The following INPP4B variants were observed in gnomAD, a reference collection of about 807,000 sequenced individuals.
INPP4B encodes inositol polyphosphate 4-phosphatase type II.
In INPP4B, 55 loss-of-function variants were observed where a neutral mutation model predicts 122.5. The ratio of observed to expected loss-of-function variants is 0.45; its 90% CI spans 0.36 to 0.56. The LOEUF is 0.56. Among genes scored for constraint, INPP4B ranks in the 20% least tolerant of loss-of-function variants. INPP4B has a pLI of 0.00. For missense variants in INPP4B, 1,000 were observed against 1,097.7 expected (o/e 0.91, Z 1.26); for synonymous variants, 403 against 388.7 (o/e 1.04, Z -0.43).
rs541696229 is a variant in INPP4B at position 142,627,417 on chromosome 4, G to A, written c.-191+98422C>T. On this transcript the variant is annotated intron_variant, in intron 2 of 25. Coordinates refer to ENST00000262992, the MANE Select transcript of INPP4B (RefSeq NM_001101669.3). ...TCATAGATAGCTCTTATTATTTTGAGATACGTCCCATCAATACCTAATTTA... is the reference window on the plus strand; with the variant it reads ...TCATAGATAGCTCTTATTATTTTGAAATACGTCCCATCAATACCTAATTTA... Among the ~76,000 whole-genome samples, 1,022 of 144,592 alleles carry A rather than the reference G, an allele frequency of 7.1e-3. 9 individuals are homozygous for A. Among genetic ancestry groups the A allele is most frequent in the African/African-American group, 0.019 (712 of 38,018 alleles). 94.9% of individuals were successfully genotyped at this position (144,592 alleles called of 152,430 possible).
At chr4:142,300,295 A>G (rs1354360027) in intron 9 of INPP4B, among the ~76,000 whole-genome samples, 1 of 152,174 alleles carries the variant, frequency 6.6e-6, no homozygotes, top group African/African-American at 2.4e-5. Flanking sequence ...ATAGAAGACG[A>G]TGGAGCCTCT....
intron 7 of INPP4B, among the ~76,000 whole-genome samples, chr4:142,344,068 T>C (rs1321940313): frequency 6.6e-6 from 1 of 152,098 alleles, no homozygotes; most frequent in Non-Finnish European, 1.5e-5. Context: ...CCACTTTTAA[T>C]ATTGAATGTG....
At chr4:142,203,454 C>T (rs911064370) in intron 14 of INPP4B, among the ~76,000 whole-genome samples, 4 of 151,922 alleles carry the variant, frequency 2.6e-5, no homozygotes, top group Admixed American at 2.0e-4. Flanking sequence ...ATAATATTCA[C>T]AACTGATGTG....
chr4:142,540,858 A>G (rs933537164), intron 2 of INPP4B, among the ~76,000 whole-genome samples: 2 of 152,244 alleles, frequency 1.3e-5, no homozygotes, highest in Non-Finnish European at 2.9e-5. Flanking sequence ...TTAAAGATCA[A>G]TCACACCAAT....
chr4:142,629,236 T>C (rs1044696466), intron 2 of INPP4B, among the ~76,000 whole-genome samples: 1 of 152,054 alleles, frequency 6.6e-6, no homozygotes, highest in Admixed American at 6.6e-5. Context: ...GAATGATCAT[T>C]GAGCTGAGCA....
intron 25 of INPP4B, among the ~76,000 whole-genome samples, chr4:142,075,895 A>G (rs1432140272): frequency 6.6e-6 from 1 of 152,090 alleles, no homozygotes; most frequent in Non-Finnish European, 1.5e-5. Context: ...CTGGATTTAA[A>G]AATCTGTGTT....
At chr4:142,030,020 A>AT in intron 25 of INPP4B, 3 of 1,380,196 alleles carry the variant, frequency 2.2e-6, no homozygotes, top group East Asian at 2.5e-5. Context: ...ACAATTTAAC[A>AT]TTTTTTAAAT....
rs147414617 is a variant in INPP4B, at chr4:142,171,285, C to T, written c.1359+2347G>A. Among the ~76,000 whole-genome samples, 596 of 151,884 alleles carry T rather than the reference C, an allele frequency of 3.9e-3. 6 individuals carry two copies. Among genetic ancestry groups the T allele is most frequent in the African/African-American group, 0.013 (558 of 41,492 alleles). The stretch of plus-strand genomic sequence containing the variant: ...AAAACCTTCACATTTCCCTGATAAG[C>T]ATGAATATAGATAACTCCTTAATGT... On this transcript the variant is annotated intron_variant, in intron 16 of 25. Coordinates refer to ENST00000262992, the MANE Select transcript of INPP4B (RefSeq NM_001101669.3).
At chr4:142,109,773 T>C (rs1325052032) in intron 22 of INPP4B, among the ~76,000 whole-genome samples, 3 of 152,142 alleles carry the variant, frequency 2.0e-5, no homozygotes, top group African/African-American at 4.8e-5. Flanking sequence ...CGAACTGTAA[T>C]GTAATGTTTG....
chr4:142,720,809 C>CTATATATATA lies in INPP4B; in HGVS notation c.-191+5020_-191+5029dup, dbSNP rs70949184. Among the ~76,000 whole-genome samples the CTATATATATA allele has an allele frequency of 5.2e-3, 67 of 12,884 alleles. 5 individuals carry two copies. Among genetic ancestry groups the CTATATATATA allele is most frequent in the East Asian group, 0.035 (4 of 114 alleles). 8.5% of individuals were successfully genotyped at this position (12,884 alleles called of 152,430 possible). ...TCTCTCTCTCTCTCTCTCTCTCTCT[C>CTATATATATA]TATATATATATATATATATAGTTTT... On this transcript the variant is annotated intron_variant, in intron 2 of 25. Coordinates refer to ENST00000262992, the MANE Select transcript of INPP4B (RefSeq NM_001101669.3).
chr4:142,770,755 T>G (rs1433983769), intron 1 of INPP4B, among the ~76,000 whole-genome samples: 10 of 152,136 alleles, frequency 6.6e-5, no homozygotes. Flanking sequence ...TGCCGCATTC[T>G]CTGAGAGGCA....
At chr4:142,436,768 G>T (rs1260112328) in intron 3 of INPP4B, among the ~76,000 whole-genome samples, 2 of 149,440 alleles carry the variant, frequency 1.3e-5, no homozygotes, top group African/African-American at 4.9e-5. Context: ...CAGCCTCAAA[G>T]ATTGAAACTA....
intron 2 of INPP4B, among the ~76,000 whole-genome samples, chr4:142,542,277 G>T (rs1007388633): frequency 6.6e-6 from 1 of 152,084 alleles, no homozygotes. Context: ...TCGTTAATCT[G>T]ATCCCCTTTT....
chr4:142,061,733 T>C (rs1383974479), intron 25 of INPP4B, among the ~76,000 whole-genome samples: 1 of 151,680 alleles, frequency 6.6e-6, no homozygotes, highest in Non-Finnish European at 1.5e-5. Context: ...AAATTAGATT[T>C]AAGCAAAAAG....
chr4:142,535,211 G>A (rs1244947937), intron 2 of INPP4B, among the ~76,000 whole-genome samples: 5 of 152,176 alleles, frequency 3.3e-5, no homozygotes, highest in Non-Finnish European at 7.3e-5. Context: ...TTTGTCTGAT[G>A]TTGTCCCTTG....
intron 14 of INPP4B, among the ~76,000 whole-genome samples, chr4:142,198,586 T>C (rs1212928666): frequency 2.0e-5 from 3 of 152,098 alleles, no homozygotes; most frequent in Middle Eastern, 3.4e-3. Context: ...TTCCCTTTTC[T>C]TTCCACTCTG....
chr4:142,124,169 T>G (rs763780189), intron 19 of INPP4B, among the ~76,000 whole-genome samples: 1 of 152,134 alleles, frequency 6.6e-6, no homozygotes, highest in Non-Finnish European at 1.5e-5. Flanking sequence ...TGTGAAATCC[T>G]GTCCCAGGAT....
intron 2 of INPP4B, among the ~76,000 whole-genome samples, chr4:142,661,504 G>A (rs984832914): frequency 1.3e-5 from 2 of 152,146 alleles, no homozygotes; most frequent in Non-Finnish European, 2.9e-5. Context: ...TTGAAAAATA[G>A]GTTACAATCA....
chr4:142,127,241 T>C lies in INPP4B; in HGVS notation c.1721-2481A>G, dbSNP rs573849101. Among the ~76,000 whole-genome samples, 16 of 152,336 alleles carry C rather than the reference T, an allele frequency of 1.1e-4. 1 individual carries two copies. The highest frequency in any genetic ancestry group is 3.1e-4 in the African/African-American group (13 of 41,598). On this transcript the variant is annotated intron_variant, in intron 18 of 25. Coordinates refer to ENST00000262992, the MANE Select transcript of INPP4B (RefSeq NM_001101669.3). ...ACTGAATCAACTGGTCAATACTTTA[T>C]ATGATTTTTCTAGTTAGAAAATTTA...
Sources: allele counts gnomAD v4.1 joint callset (sites outside exome capture counted in the v4.1 genomes callset), GRCh38; gene constraint gnomAD v4.1.1; transcripts MANE v1.5; gene names NCBI Gene and HGNC (gene_info 2026-07-23, HGNC 2026-07-21).